Variants in BBOF1 observed in about 807,000 individuals in gnomAD.
BBOF1 encodes the protein basal body-orientation factor 1.
A neutral mutation model predicts 68.0 loss-of-function variants in BBOF1; 62 were observed. The ratio of observed to expected loss-of-function variants is 0.91; its 90% confidence interval spans 0.74 to 1.13. The LOEUF (loss-of-function observed/expected upper bound fraction) is 1.13. BBOF1 is among the 50% of genes most tolerant of loss of function. BBOF1 has a pLI of 0.00. For missense variants in BBOF1, 534 were observed against 600.1 expected (o/e 0.89, Z 1.15); for synonymous variants, 208 against 198.8 (o/e 1.05, Z -0.39).
At position 74,023,941 on chromosome 14, in the gene BBOF1, AAAG is replaced by A. The variant is rs1189354523; in HGVS notation, c.285+800_285+802del. ...ACTCCATCTCAAAAAAAAAAAAAAAAAAGAAAAGAAAAGAAAAAGGGAAGGGAA... is the reference window on the plus strand; with the variant it reads ...ACTCCATCTCAAAAAAAAAAAAAAAAAAAAGAAAAGAAAAAGGGAAGGGAA... On this transcript the variant is annotated intron_variant, in intron 2 of 11. Coordinates refer to ENST00000394009, the MANE Select transcript of BBOF1 (RefSeq NM_025057.3). Among the ~76,000 whole-genome samples, 7 of 148,508 alleles carry A rather than the reference AAAG, an allele frequency of 4.7e-5. No individual in the cohort carries two copies. In the South Asian group the frequency reaches 1.3e-3, roughly 28 times the overall value.
intron 2 of BBOF1, among the ~76,000 whole-genome samples, chr14:74,028,976 A>T (rs1278249606): frequency 6.6e-6 from 1 of 151,800 alleles, no homozygotes. Flanking sequence ...ACAAAAGTTG[A>T]CCAGGTACTT....
intron 11 of BBOF1, among the ~76,000 whole-genome samples, chr14:74,062,051 G>GAAAAA (rs369414700): frequency 3.2e-4 from 19 of 59,610 alleles, no homozygotes; most frequent in African/African-American, 1.0e-3. Context: ...TCTCTACTGG[G>GAAAAA]AAAAAAAAAA....
Position 74,027,128 on chromosome 14 carries a change from C to G in BBOF1, c.286-2056C>G, listed in dbSNP as rs1195827313. Among the ~76,000 whole-genome samples the G allele has an allele frequency of 1.4e-5, 2 of 141,670 alleles. 1 individual carries two copies. Among genetic ancestry groups the G allele is most frequent in the Non-Finnish European group, 3.0e-5 (2 of 65,744 alleles). The allele number at this position is 141,670 out of a possible 152,430, so 92.9% of individuals were successfully genotyped here. A position where few individuals can be genotyped will look rare whatever the true frequency, so the allele number is the denominator to read the frequency against. Reference sequence around the variant, plus strand: ...TTGAGACAGAGTCTCGCTCTGTCACCCAGGCTGGAGTGCAGTGGTGCGATC... The same window carrying G: ...TTGAGACAGAGTCTCGCTCTGTCACGCAGGCTGGAGTGCAGTGGTGCGATC... On this transcript the variant is annotated intron_variant, in intron 2 of 11. Transcript: ENST00000394009.
intron 10 of BBOF1, among the ~76,000 whole-genome samples, chr14:74,079,389 G>A (rs2060647525): frequency 6.6e-6 from 1 of 151,754 alleles, no homozygotes; most frequent in Non-Finnish European, 1.5e-5. Flanking sequence ...TGGGATTACA[G>A]GCATATGCCA....
chr14:74,035,320 T>C (rs969962477), intron 4 of BBOF1, among the ~76,000 whole-genome samples: 1 of 152,008 alleles, frequency 6.6e-6, no homozygotes, highest in African/African-American at 2.4e-5. Flanking sequence ...TAAGGCTTGA[T>C]TGGAGCTTGA....
At chr14:74,057,395 G>A in intron 11 of BBOF1, 137 bp downstream of exon 11, 1 of 1,537,336 alleles carries the variant, frequency 6.5e-7, no homozygotes, top group South Asian at 1.2e-5. Context: ...AATAGCATTA[G>A]TAGATTACAT....
intron 8 of BBOF1, among the ~76,000 whole-genome samples, chr14:74,054,036 G>A (rs62005111): frequency 0.19 from 28,210 of 151,780 alleles, 2,831 homozygotes; most frequent in South Asian, 0.43. Context: ...CACCATGCCC[G>A]GCTAATTTTT....
intron 10 of BBOF1, among the ~76,000 whole-genome samples, chr14:74,080,368 CTT>C (rs35450547): frequency 1.2e-4 from 15 of 128,960 alleles, no homozygotes; most frequent in Admixed American, 2.4e-4. Flanking sequence ...TAAACTCTTT[CTT>C]TTTTTTTTTT....
At chr14:74,043,052 C>T (rs1279620957) in intron 5 of BBOF1, among the ~76,000 whole-genome samples, 1 of 152,102 alleles carries the variant, frequency 6.6e-6, no homozygotes, top group Admixed American at 6.6e-5. Flanking sequence ...GATATTTCTC[C>T]TGTGCTGGTT....
intron 8 of BBOF1, among the ~76,000 whole-genome samples, chr14:74,051,697 A>T (rs2060071185): frequency 6.6e-6 from 1 of 151,708 alleles, no homozygotes; most frequent in African/African-American, 2.4e-5. Context: ...GGATTAAATT[A>T]TAGTCCATTT....
chr14:74,035,966 G>A (rs1438473973), intron 4 of BBOF1, among the ~76,000 whole-genome samples: 2 of 152,212 alleles, frequency 1.3e-5, no homozygotes, highest in Middle Eastern at 3.4e-3. Context: ...TTGAAGAGAA[G>A]AGTGTCAAAG....
chr14:74,031,837 G>A (rs2059577274), intron 3 of BBOF1: 1 of 152,160 alleles, frequency 6.6e-6, no homozygotes, highest in Admixed American at 6.6e-5. Context: ...GCTCATAGCA[G>A]TCCCTTTTTG....
intron 4 of BBOF1, among the ~76,000 whole-genome samples, chr14:74,040,016 TG>T (rs2059796973): frequency 1.3e-5 from 2 of 152,026 alleles, no homozygotes; most frequent in South Asian, 4.2e-4. Context: ...ATATATTTTT[TG>T]AGACTAGTCT....
At chr14:74,057,626 T>A (rs1349494984) in intron 11 of BBOF1, 1 of 1,336,738 alleles carries the variant, frequency 7.5e-7, no homozygotes, top group Non-Finnish European at 9.8e-7. Context: ...GGACAAAGGC[T>A]TATAAGGAGA....
At chr14:74,071,185 G>C in intron 9 of BBOF1, 1 of 1,611,346 alleles carries the variant, frequency 6.2e-7, no homozygotes, top group Non-Finnish European at 8.5e-7. Context: ...ATATGCATAA[G>C]GGCAGTTACC....
rs773860662 is a variant in BBOF1, at chr14:74,064,713, T to C, written c.*14T>C. 6.2e-7 allele frequency: 1 copy of C among 1,614,028 alleles called. No homozygotes were observed. Among genetic ancestry groups the C allele is most frequent in the South Asian group, 1.1e-5 (1 of 91,082 alleles). ...GGAACCTTCTGAGAAGCACTGATTA[T>C]GACCTCACAGATGCTGCTGGCAGTC... On this transcript the variant is annotated 3_prime_UTR_variant, in exon 12 of 12. Transcript: ENST00000394009.
chr14:74,049,790 A>G lies in BBOF1; in HGVS notation c.881A>G (p.Asn294Ser), dbSNP rs2060025612. The G allele has an allele frequency of 1.2e-6, 2 of 1,614,092 alleles. No homozygotes were observed. Among genetic ancestry groups the G allele is most frequent in the East Asian group, 2.2e-5 (1 of 44,904 alleles). Residue 294 changes from asparagine to serine, a missense_variant, in exon 8 of 12, where the codon AAC (asparagine) becomes AGC (serine). Coordinates refer to ENST00000394009, the MANE Select transcript of BBOF1 (RefSeq NM_025057.3). ...QIQTLQKKVV[N>S]LETALSYMTK... ...CAAACCCTTCAGAAGAAGGTAGTAA[A>G]CTTGGAGACTGCTCTGAGTTACATG... is the stretch of plus-strand genomic sequence containing the variant.
At chr14:74,049,216 AC>A in intron 7 of BBOF1, among the ~76,000 whole-genome samples, 1 of 152,220 alleles carries the variant, frequency 6.6e-6, no homozygotes, top group South Asian at 2.1e-4. Context: ...CTTAATTAGC[AC>A]AATTCATAAT....
At chr14:74,042,037 AAACAAC>A (rs147407110) in intron 5 of BBOF1, among the ~76,000 whole-genome samples, 4 of 151,830 alleles carry the variant, frequency 2.6e-5, no homozygotes, top group African/African-American at 7.2e-5. Context: ...ACTCTGTCTC[AAACAAC>A]AACAACAACA....
Sources: allele counts gnomAD v4.1 joint callset (sites outside exome capture counted in the v4.1 genomes callset), GRCh38; gene constraint gnomAD v4.1.1; transcripts MANE v1.5; gene names NCBI Gene and HGNC (gene_info 2026-07-23, HGNC 2026-07-21).